Variants in VPS53 observed in about 807,000 individuals in gnomAD.
VPS53 encodes VPS53 subunit of GARP complex, also known as vacuolar protein sorting-associated protein 53 homolog.
A neutral mutation model predicts 107.0 loss-of-function variants in VPS53; 70 were observed. The observed-to-expected ratio is 0.65, with a 90% CI of 0.54 to 0.80. The LOEUF is 0.80. Among genes scored for constraint, VPS53 ranks in the 30% least tolerant of loss-of-function variants. VPS53 has a pLI of 0.00. For missense variants in VPS53, 917 were observed against 1,049.4 expected (o/e 0.87, Z 1.74); for synonymous variants, 409 against 393.3 (o/e 1.04, Z -0.47).
chr17:643,434 C>T (rs1293921806), intron 7 of VPS53, among the ~76,000 whole-genome samples: 1 of 150,886 alleles, frequency 6.6e-6, no homozygotes, highest in Non-Finnish European at 1.5e-5. Flanking sequence ...AACACTCATA[C>T]TTGGAAAGCG....
rs71145747 is a variant in VPS53, at chr17:531,773, CTTTTTT to C, written c.2085+1063_2085+1068del. On this transcript the variant is annotated intron_variant, in intron 19 of 21. Coordinates refer to ENST00000437048, the MANE Select transcript of VPS53 (RefSeq NM_001128159.3). ...CAGCCTCCCATCACTGGGATTTATT[CTTTTTT>C]TTTTTTTTTTTTTTTGAGATGGAGT... 8.1e-5 allele frequency among the ~76,000 whole-genome samples: 7 copies of C among 86,686 alleles called. 1 individual carries two copies. Among genetic ancestry groups the C allele is most frequent in the African/African-American group, 1.5e-4 (3 of 19,864 alleles). 56.9% of individuals were successfully genotyped at this position (86,686 alleles called of 152,430 possible). A position where few individuals can be genotyped will look rare whatever the true frequency, so the allele number is the denominator to read the frequency against.
At chr17:563,519 C>A (rs1026081189) in intron 13 of VPS53, among the ~76,000 whole-genome samples, 2 of 152,152 alleles carry the variant, frequency 1.3e-5, no homozygotes, top group African/African-American at 4.8e-5. Context: ...GTCTCGACAT[C>A]CTGACCTCAG....
At chr17:634,738 T>C (rs1386012141) in intron 7 of VPS53, among the ~76,000 whole-genome samples, 1 of 152,134 alleles carries the variant, frequency 6.6e-6, no homozygotes, top group Non-Finnish European at 1.5e-5. Flanking sequence ...TCCTTTTTTA[T>C]GGCTGCATAG....
At chr17:666,887 C>T (rs898022154) in intron 4 of VPS53, among the ~76,000 whole-genome samples, 1 of 152,146 alleles carries the variant, frequency 6.6e-6, no homozygotes, top group African/African-American at 2.4e-5. Context: ...CCATTGCACT[C>T]CAGCCTAGGC....
At chr17:566,317 G>C (rs1913507099) in intron 13 of VPS53, among the ~76,000 whole-genome samples, 1 of 151,962 alleles carries the variant, frequency 6.6e-6, no homozygotes, top group African/African-American at 2.4e-5. Context: ...TGTGATTCCA[G>C]AATCCTTCTT....
intron 5 of VPS53, among the ~76,000 whole-genome samples, chr17:658,062 G>T (rs1301434915): frequency 3.0e-5 from 1 of 33,552 alleles, no homozygotes; most frequent in Admixed American, 3.2e-4. Context: ...CAGGGAGTTC[G>T]TGGATAGATA....
At chr17:562,934 A>G (rs1242440804) in intron 13 of VPS53, among the ~76,000 whole-genome samples, 189 bp from the exon 14 acceptor site, 2 of 152,184 alleles carry the variant, frequency 1.3e-5, no homozygotes, top group Non-Finnish European at 2.9e-5. Flanking sequence ...CAGCAGTAAT[A>G]AAATCTGACA....
intron 11 of VPS53, 117 bp downstream of exon 11, chr17:623,416 C>A (rs1004067464): frequency 2.6e-5 from 33 of 1,246,758 alleles, no homozygotes; most frequent in Non-Finnish European, 3.6e-5. Context: ...AGTGAAATCA[C>A]TGCAATGAGG....
At chr17:581,217 A>T (rs1966997518) in intron 13 of VPS53, among the ~76,000 whole-genome samples, 1 of 151,492 alleles carries the variant, frequency 6.6e-6, no homozygotes, top group Admixed American at 6.6e-5. Flanking sequence ...ATCTTCACTC[A>T]GGACCTGATG....
At chr17:633,634 T>G (rs932622555) in intron 7 of VPS53, among the ~76,000 whole-genome samples, 1 of 152,192 alleles carries the variant, frequency 6.6e-6, no homozygotes, top group Non-Finnish European at 1.5e-5. Flanking sequence ...TTCAAAACTT[T>G]TAAAACCACT....
At chr17:545,037 T>C (rs528941301) in intron 17 of VPS53, among the ~76,000 whole-genome samples, 1 of 152,254 alleles carries the variant, frequency 6.6e-6, no homozygotes, top group Admixed American at 6.5e-5. Flanking sequence ...GCTATGATTA[T>C]GCCACCGCAC....
chr17:601,719 G>GT (rs1404347234), intron 12 of VPS53, 76 bp downstream of exon 12: 2 of 1,152,838 alleles, frequency 1.7e-6, no homozygotes, highest in South Asian at 1.6e-5. Flanking sequence ...CCAAAGGATC[G>GT]TATCTGGAGC....
In VPS53 at chr17:627,075, T is replaced by C. The variant is rs1021144192; in HGVS notation, c.974+99A>G. The C allele has an allele frequency of 1.0e-5, 15 of 1,456,006 alleles. 1 individual carries two copies. In the South Asian group the frequency reaches 1.8e-4, roughly 18 times the overall value. 90.2% of individuals were successfully genotyped at this position (1,456,006 alleles called of 1,614,324 possible). On this transcript the variant is annotated intron_variant, in intron 10 of 21. Coordinates refer to ENST00000437048, the MANE Select transcript of VPS53 (RefSeq NM_001128159.3). ...TTAGTCATCTGGTGGGGTCTGGAAG[T>C]GGCATCAAATCCACAGGACAACATG...
chr17:518,863 C>T lies in VPS53; in HGVS notation c.*265G>A. The T allele has an allele frequency of 3.0e-6, 1 of 330,946 alleles. No homozygotes were observed. Among genetic ancestry groups the T allele is most frequent in the Non-Finnish European group, 5.5e-6 (1 of 182,180 alleles). The allele number at this position is 330,946 out of a possible 1,614,324, so 20.5% of individuals were successfully genotyped here. A position where few individuals can be genotyped will look rare whatever the true frequency, so the allele number is the denominator to read the frequency against. ...GAGGCTACATGAGTCAAGGGCAGCT[C>T]AGGGACCTATCCTCCACTGCTGCCT... is the stretch of plus-strand genomic sequence containing the variant. On this transcript the variant is annotated 3_prime_UTR_variant, in exon 22 of 22. Coordinates refer to ENST00000437048, the MANE Select transcript of VPS53 (RefSeq NM_001128159.3).
intron 2 of VPS53, among the ~76,000 whole-genome samples, chr17:700,512 T>C (rs958567535): frequency 6.6e-6 from 1 of 152,108 alleles, no homozygotes; most frequent in African/African-American, 2.4e-5. Context: ...GAATGTGCCA[T>C]TGCACTCCAG....
rs74251916 is a variant in VPS53, at chr17:515,653, C to G, written c.*3475G>C. 3,636 of 152,178 alleles carry G rather than the reference C, an allele frequency of 0.024. 53 individuals are homozygous for G. Among genetic ancestry groups the G allele is most frequent in the East Asian group, 0.069 (356 of 5,158 alleles). The allele number at this position is 152,178 out of a possible 1,614,324, so 9.4% of individuals were successfully genotyped here. On this transcript the variant is annotated 3_prime_UTR_variant, in exon 22 of 22. Coordinates refer to ENST00000437048, the MANE Select transcript of VPS53 (RefSeq NM_001128159.3). Reference sequence around the variant, plus strand: ...GCATTACAGGTGTGATGCCACAGTACCCGGCCTAGGGTGCCCCTTTGATAC... The same window carrying G: ...GCATTACAGGTGTGATGCCACAGTAGCCGGCCTAGGGTGCCCCTTTGATAC...
chr17:649,603 G>A (rs896717054), intron 7 of VPS53, among the ~76,000 whole-genome samples: 1 of 148,540 alleles, frequency 6.7e-6, no homozygotes, highest in East Asian at 2.0e-4. Context: ...ATCTTACAGT[G>A]GAGGACAGAG....
chr17:517,260 A>T lies in VPS53; in HGVS notation c.*1868T>A, dbSNP rs1028675621. 5.1e-6 allele frequency: 2 copies of T among 392,370 alleles called. No individual in the cohort carries two copies. Among genetic ancestry groups the T allele is most frequent in the Non-Finnish European group, 9.0e-6 (2 of 222,732 alleles). 24.3% of individuals were successfully genotyped at this position (392,370 alleles called of 1,614,324 possible). ...TCGCAACACTTCTTTTCTCCTCCGC[A>T]TTCTCAAATTTGAGACGCTTGATGC... On this transcript the variant is annotated 3_prime_UTR_variant, in exon 22 of 22. Coordinates refer to ENST00000437048, the MANE Select transcript of VPS53 (RefSeq NM_001128159.3).
At chr17:560,324 T>A in intron 15 of VPS53, 102 bp downstream of exon 15, 1 of 1,433,994 alleles carries the variant, frequency 7.0e-7, no homozygotes, top group Non-Finnish European at 9.3e-7. Flanking sequence ...TGACCCAAGG[T>A]TGTCTGTGGC....
Sources: allele counts gnomAD v4.1 joint callset (sites outside exome capture counted in the v4.1 genomes callset), GRCh38; gene constraint gnomAD v4.1.1; transcripts MANE v1.5; gene names NCBI Gene and HGNC (gene_info 2026-07-23, HGNC 2026-07-21).